The following PDE4B variants were observed in gnomAD, a reference collection of about 807,000 sequenced individuals.
The protein encoded by PDE4B is 3',5'-cyclic-AMP phosphodiesterase 4B.
In PDE4B, 20 loss-of-function variants were observed where a neutral mutation model predicts 82.2. The observed-to-expected ratio is 0.24, with a 90% confidence interval of 0.17 to 0.35. The LOEUF (loss-of-function observed/expected upper bound fraction) is 0.35, where lower values mean the gene tolerates loss of function less well. Ranked by LOEUF, PDE4B falls within the 10% of genes least tolerant of loss-of-function variation. The pLI, the probability that PDE4B is intolerant of heterozygous loss-of-function variation, is 1.00. For missense variants in PDE4B, 655 were observed against 907.2 expected, an observed-to-expected ratio of 0.72 and a Z score of 3.57; for synonymous variants, 320 against 318.9, an observed-to-expected ratio of 1.00 and a Z score of -0.04.
chr1:66,234,817 G>T (rs1652275607), intron 3 of PDE4B, among the ~76,000 whole-genome samples: 1 of 150,782 alleles, frequency 6.6e-6, no homozygotes, highest in South Asian at 2.1e-4. Context: ...TTTCCCTTCT[G>T]CTTCCTTTGT....
chr1:66,167,499 T>C (rs1291959500), intron 3 of PDE4B, among the ~76,000 whole-genome samples: 3 of 152,156 alleles, frequency 2.0e-5, no homozygotes, highest in Non-Finnish European at 4.4e-5. Flanking sequence ...TAGGAGTAAA[T>C]GGAAATGGAG....
intron 1 of PDE4B, among the ~76,000 whole-genome samples, chr1:65,889,775 G>A (rs567333316): frequency 6.6e-6 from 1 of 152,180 alleles, no homozygotes; most frequent in South Asian, 2.1e-4. Context: ...TTGTACCTTT[G>A]CTAACAAGCT....
chr1:65,896,013 A>T (rs1267083956), intron 1 of PDE4B, among the ~76,000 whole-genome samples: 1 of 150,818 alleles, frequency 6.6e-6, no homozygotes, highest in East Asian at 1.9e-4. Flanking sequence ...GAATAGGAAG[A>T]TTTTCTGTAA....
At chr1:66,067,349 T>A (rs911605901) in intron 3 of PDE4B, among the ~76,000 whole-genome samples, 4 of 152,106 alleles carry the variant, frequency 2.6e-5, no homozygotes, top group African/African-American at 9.7e-5. Context: ...CTCCAGCACC[T>A]GTTGTTTCCT....
In PDE4B at chr1:66,361,633, A is replaced by C. The variant is rs1160380036; in HGVS notation, c.860A>C (p.Glu287Ala). The change falls in exon 10 of 17, where the codon GAG becomes GCG. Residue 287 changes from glutamate to alanine, a missense_variant. By Grantham distance (107) the Glu-to-Ala change is moderately radical. This residue lies in a region of PDE4B where 283 missense variants were observed against 516.4 expected (regional missense o/e 0.55). Coordinates refer to ENST00000341517, the MANE Select transcript of PDE4B (RefSeq NM_002600.4). ...GTTGCAGACAAGCAGAATGATGTGG[A>C]GATCCCATCTCCTACCCAGAAAGAC... ...NTFLDKQNDV[E>A]IPSPTQKDRE... 1 of 1,613,188 alleles carries C rather than the reference A, an allele frequency of 6.2e-7. No individual in the cohort carries two copies. The highest frequency in any genetic ancestry group is 1.1e-5 in the South Asian group (1 of 91,022).
chr1:66,115,197 C>T (rs1645571315), intron 3 of PDE4B, among the ~76,000 whole-genome samples: 1 of 152,160 alleles, frequency 6.6e-6, no homozygotes, highest in South Asian at 2.1e-4. Context: ...TTAATTTAAA[C>T]TACTGACCTA....
intron 3 of PDE4B, among the ~76,000 whole-genome samples, chr1:66,196,418 G>A (rs1202942314): frequency 6.6e-6 from 1 of 152,206 alleles, no homozygotes; most frequent in Non-Finnish European, 1.5e-5. Flanking sequence ...GGCACAGAAG[G>A]GTTCAGGCTC....
intron 3 of PDE4B, among the ~76,000 whole-genome samples, chr1:66,229,496 G>A (rs965157250): frequency 6.6e-6 from 1 of 152,166 alleles, no homozygotes; most frequent in Admixed American, 6.5e-5. Flanking sequence ...CTGGCTTTGA[G>A]CCATCCCCCT....
chr1:66,201,928 A>G (rs1648999424), intron 3 of PDE4B, among the ~76,000 whole-genome samples: 1 of 151,672 alleles, frequency 6.6e-6, no homozygotes, highest in Admixed American at 6.6e-5. Context: ...AGTTCTTTTA[A>G]TTGTGATGTT....
intron 3 of PDE4B, among the ~76,000 whole-genome samples, chr1:66,007,220 G>A (rs968700500): frequency 1.3e-5 from 2 of 152,078 alleles, no homozygotes; most frequent in Non-Finnish European, 2.9e-5. Flanking sequence ...TGAGGCAGGG[G>A]GATCATTTGA....
chr1:65,906,369 T>G (rs550055704), intron 1 of PDE4B, among the ~76,000 whole-genome samples: 2 of 152,272 alleles, frequency 1.3e-5, no homozygotes, highest in South Asian at 2.1e-4. Context: ...TGGAGAGAGC[T>G]TGCAATACCA....
chr1:65,857,516 T>C (rs1252736889), intron 1 of PDE4B, among the ~76,000 whole-genome samples: 1 of 152,176 alleles, frequency 6.6e-6, no homozygotes, highest in Non-Finnish European at 1.5e-5. Flanking sequence ...GCGATGTGGA[T>C]ACCTGATGCA....
In PDE4B at chr1:65,913,370, G is replaced by A. The variant is rs1446697620; in HGVS notation, c.42+14G>A. The A allele has an allele frequency of 6.2e-7, 1 of 1,612,734 alleles. No individual in the cohort carries two copies. Among genetic ancestry groups the A allele is most frequent in the South Asian group, 1.1e-5 (1 of 91,030 alleles). On this transcript the variant is annotated intron_variant, in intron 2 of 16. Transcript: ENST00000341517. ...ATGGCTGATGATGTAAGTTTCAAAA[G>A]GTCCCAATCATGTTTGGTCTGTTCA...
chr1:66,055,852 T>C (rs1655266709), intron 3 of PDE4B, among the ~76,000 whole-genome samples: 1 of 152,176 alleles, frequency 6.6e-6, no homozygotes, highest in Admixed American at 6.6e-5. Flanking sequence ...AGATGTTAGA[T>C]TGAGGTAGAC....
At chr1:65,862,646 C>T (rs1433611183) in intron 1 of PDE4B, among the ~76,000 whole-genome samples, 3 of 152,096 alleles carry the variant, frequency 2.0e-5, no homozygotes, top group Non-Finnish European at 4.4e-5. Flanking sequence ...CTTTGTACCT[C>T]TGGTAGCATT....
chr1:66,186,364 C>T (rs1647212072), intron 3 of PDE4B, among the ~76,000 whole-genome samples: 1 of 152,074 alleles, frequency 6.6e-6, no homozygotes. Context: ...TTTTCCAATT[C>T]AGTGAAGAAA....
intron 3 of PDE4B, among the ~76,000 whole-genome samples, chr1:66,204,323 G>A (rs182122150): frequency 6.6e-6 from 1 of 152,246 alleles, no homozygotes; most frequent in Non-Finnish European, 1.5e-5. Context: ...CAGTCTGCCT[G>A]TTGTCAGATC....
chr1:66,278,181 G>C (rs1380110850), intron 7 of PDE4B, among the ~76,000 whole-genome samples: 1 of 152,194 alleles, frequency 6.6e-6, no homozygotes, highest in South Asian at 2.1e-4. Flanking sequence ...AAGAGAGGTA[G>C]TGCAATAAAT....
chr1:66,248,026 A>G (rs181870652), intron 4 of PDE4B, among the ~76,000 whole-genome samples: 2 of 152,346 alleles, frequency 1.3e-5, no homozygotes, highest in African/African-American at 4.8e-5. Flanking sequence ...ATGAGGCTCC[A>G]GCAAAGAGGA....
Sources: gnomAD v4.1 joint callset for allele counts (sites outside exome capture counted in the v4.1 genomes callset) on GRCh38, gnomAD v4.1.1 for gene constraint, gnomAD v4.1.1 regional missense constraint, MANE v1.5 for transcripts, NCBI Gene and HGNC (gene_info 2026-07-23, HGNC 2026-07-21) for gene names.